The following PATL2 variants were observed in gnomAD, a reference collection of about 807,000 sequenced individuals.
The protein encoded by PATL2 is PAT1 homolog 2.
PATL2 carries 73 observed loss-of-function variants against 77.0 expected under a neutral mutation model. That is an observed-to-expected ratio of 0.95 (90% confidence interval 0.78 to 1.15). PATL2 has a LOEUF of 1.15. Ranked by LOEUF, PATL2 falls within the 50% of genes most tolerant of loss-of-function variation. PATL2 has a pLI of 0.00. For missense variants in PATL2, 618 were observed against 655.4 expected, an observed-to-expected ratio of 0.94 and a Z score of 0.62; for synonymous variants, 265 against 257.1, an observed-to-expected ratio of 1.03 and a Z score of -0.29.
At chr15:44,667,046 G>T in intron 16 of PATL2, 60 bp downstream of exon 16, 1 of 1,297,662 alleles carries the variant, frequency 7.7e-7, no homozygotes, top group South Asian at 1.3e-5. Flanking sequence ...TACTTCACCT[G>T]GCTCAGTCTG....
rs142962037 is a variant in PATL2 at position 44,693,206 on chromosome 15, G to A, written c.-75-16641C>T. 1.3e-4 allele frequency among the ~76,000 whole-genome samples: 20 copies of A among 152,304 alleles called. No homozygotes were observed. In the East Asian group the frequency reaches 3.1e-3, roughly 23 times the overall value. ...ACTAATTTTCTATTGCTGCTGTAAC[G>A]AATTTCCAAAAACTTGGTGGCTTAA... On this transcript the variant is annotated intron_variant, in intron 3 of 17. Transcript: ENST00000682850.
chr15:44,708,848 AT>A (rs2086792951), intron 3 of PATL2, among the ~76,000 whole-genome samples: 1 of 152,190 alleles, frequency 6.6e-6, no homozygotes, highest in Admixed American at 6.5e-5. Context: ...GTGGCTGGAT[AT>A]TATGGCCAGT....
At chr15:44,692,565 C>G (rs1463112631) in intron 3 of PATL2, among the ~76,000 whole-genome samples, 2 of 152,216 alleles carry the variant, frequency 1.3e-5, no homozygotes, top group Non-Finnish European at 2.9e-5. Context: ...AGCCTATGAG[C>G]TCACCAGAGG....
chr15:44,685,958 G>T (rs1025260739), intron 3 of PATL2, among the ~76,000 whole-genome samples: 2 of 152,080 alleles, frequency 1.3e-5, no homozygotes, highest in Non-Finnish European at 2.9e-5. Context: ...CAATAATAGT[G>T]GGAGACTTTA....
At chr15:44,681,290 A>AGCCACTTCTC (rs1233072153) in intron 3 of PATL2, among the ~76,000 whole-genome samples, 2 of 152,194 alleles carry the variant, frequency 1.3e-5, no homozygotes, top group African/African-American at 4.8e-5. Context: ...AAGTGCTGGG[A>AGCCACTTCTC]TTACAGATGT....
In PATL2 at chr15:44,667,346, T is replaced by TA. The variant is rs3215056; in HGVS notation, c.1366-144dup. 7.7e-6 allele frequency: 5 copies of TA among 646,998 alleles called. 1 individual carries two copies. Among genetic ancestry groups the TA allele is most frequent in the African/African-American group, 3.6e-5 (2 of 54,954 alleles). 40.1% of individuals were successfully genotyped at this position (646,998 alleles called of 1,614,324 possible). ...AATATCCACAAGTGCTGTCAGGTTT[T>TA]ACACTGGTGAGCCAAAGAACTCTCT... On this transcript the variant is annotated intron_variant, in intron 15 of 17. Coordinates refer to ENST00000682850, the MANE Select transcript of PATL2 (RefSeq NM_001387263.1).
At chr15:44,710,632 T>C (rs2086837535) in intron 2 of PATL2, among the ~76,000 whole-genome samples, 1 of 152,208 alleles carries the variant, frequency 6.6e-6, no homozygotes, top group Non-Finnish European at 1.5e-5. Context: ...GGGGTAATTC[T>C]TTCCTCCTAC....
chr15:44,671,406 C>T (rs2085668028), intron 9 of PATL2, among the ~76,000 whole-genome samples: 1 of 151,838 alleles, frequency 6.6e-6, no homozygotes, highest in South Asian at 2.1e-4. Flanking sequence ...GGAGAATCAC[C>T]TGAACCCTGG....
chr15:44,676,676 A>G (rs1305142676), intron 3 of PATL2, 111 bp from the exon 4 acceptor site: 2 of 1,262,816 alleles, frequency 1.6e-6, no homozygotes, highest in Non-Finnish European at 2.2e-6. Context: ...ATTCTTGGCC[A>G]TGGTCTTGAG....
intron 16 of PATL2, chr15:44,666,871 G>C (rs2085398726): frequency 1.9e-6 from 1 of 513,410 alleles, no homozygotes; most frequent in Admixed American, 3.7e-5. Flanking sequence ...TCAAACGTAG[G>C]TCTTTTTAAA....
Position 44,671,956 on chromosome 15 carries a change from G to A in PATL2, c.657+59C>T, listed in dbSNP as rs530822718. 156 of 1,539,112 alleles carry A rather than the reference G, an allele frequency of 1.0e-4. 1 individual carries two copies. The highest frequency in any genetic ancestry group is 9.2e-4 in the Middle Eastern group (5 of 5,462). On this transcript the variant is annotated intron_variant, in intron 9 of 17. Coordinates refer to ENST00000682850, the MANE Select transcript of PATL2 (RefSeq NM_001387263.1). ...CCGAAGAGAGGATCAGAGCGGGCCC[G>A]GGAGTCCAGGCCCATTTGACCCAAG...
At chr15:44,669,712 C>G in intron 11 of PATL2, 65 bp downstream of exon 11, 2 of 1,523,408 alleles carry the variant, frequency 1.3e-6, no homozygotes, top group Non-Finnish European at 1.8e-6. Context: ...GTCTTAAACA[C>G]AAGAATGTTC....
In PATL2 at chr15:44,672,858, C is replaced by A. The variant is rs1386656775; in HGVS notation, c.446+377G>T. On this transcript the variant is annotated intron_variant, in intron 7 of 17. Coordinates refer to ENST00000682850, the MANE Select transcript of PATL2 (RefSeq NM_001387263.1). The stretch of plus-strand genomic sequence containing the variant: ...CACTGCAACCTCTGGCTCCTGGGTT[C>A]AAGTGATTTTCCTGCCTCAGCCTCC... Among the ~76,000 whole-genome samples the A allele has an allele frequency of 5.3e-5, 8 of 152,182 alleles. No individual in the cohort carries two copies. In the East Asian group the frequency reaches 1.5e-3, roughly 29 times the overall value.
intron 3 of PATL2, among the ~76,000 whole-genome samples, chr15:44,683,350 T>C (rs942349735): frequency 1.3e-5 from 2 of 152,216 alleles, no homozygotes; most frequent in Non-Finnish European, 2.9e-5. Flanking sequence ...CTTGAAATTC[T>C]CACTGCCAGC....
intron 2 of PATL2, among the ~76,000 whole-genome samples, 45 bp from the exon 3 acceptor site, chr15:44,710,259 T>C (rs891932098): frequency 8.5e-5 from 13 of 152,346 alleles, no homozygotes; most frequent in Middle Eastern, 3.4e-3. Flanking sequence ...GTTGTGCTCC[T>C]TGGGGAAGCT....
intron 3 of PATL2, among the ~76,000 whole-genome samples, chr15:44,708,416 G>A (rs191024113): frequency 3.9e-5 from 6 of 152,046 alleles, no homozygotes; most frequent in Admixed American, 2.0e-4. Flanking sequence ...AATCATCATC[G>A]AACTCTAGAT....
At chr15:44,679,546 CT>C (rs1412558497) in intron 3 of PATL2, among the ~76,000 whole-genome samples, 1 of 137,066 alleles carries the variant, frequency 7.3e-6, no homozygotes, top group Non-Finnish European at 1.6e-5. Context: ...TTTTCTTTTT[CT>C]TTTTCTTTTT....
At chr15:44,675,829 T>G in intron 4 of PATL2, 138 bp from the exon 5 acceptor site, 1 of 740,914 alleles carries the variant, frequency 1.3e-6, no homozygotes, top group Non-Finnish European at 2.1e-6. Context: ...CCTCCTGTTC[T>G]GTGGGTTTAA....
chr15:44,707,127 G>C (rs1017189875), intron 3 of PATL2, among the ~76,000 whole-genome samples: 1 of 152,086 alleles, frequency 6.6e-6, no homozygotes, highest in Admixed American at 6.5e-5. Context: ...ACGCTGCCCA[G>C]CCTGGGACTC....
Sources: allele counts gnomAD v4.1 joint callset (sites outside exome capture counted in the v4.1 genomes callset), GRCh38; gene constraint gnomAD v4.1.1; transcripts MANE v1.5; gene names NCBI Gene and HGNC (gene_info 2026-07-23, HGNC 2026-07-21).